CELF2: variants seen among roughly 807,000 people sequenced by gnomAD.
CELF2 encodes CUGBP Elav-like family member 2.
Under a neutral mutation model 62.6 loss-of-function variants are expected in CELF2, and 8 were observed. The observed-to-expected ratio is 0.13, with a 90% CI of 0.07 to 0.23. CELF2 has a LOEUF of 0.23. Ranked by LOEUF, CELF2 falls within the 10% of genes least tolerant of loss-of-function variation. The pLI is 1.00. For synonymous variants in CELF2, 258 were observed against 250.0 expected (o/e 1.03, Z -0.30); for missense variants, 333 against 671.0 (o/e 0.50, Z 5.56).
chr10:11,199,562 C>T (rs2058747938), intron 2 of CELF2, among the ~76,000 whole-genome samples: 1 of 152,166 alleles, frequency 6.6e-6, no homozygotes, highest in Non-Finnish European at 1.5e-5. Context: ...ACCCCTTCCC[C>T]CAAGTGTGCC....
At chr10:10,495,336 G>A in the CELF2 span, among the ~76,000 whole-genome samples, 1 of 152,134 alleles carries the variant, frequency 6.6e-6, no homozygotes, top group African/African-American at 2.4e-5. Flanking sequence ...ATTATGTATG[G>A]AACATTAAAC....
At chr10:11,089,940 C>T (rs2047855731) in intron 1 of CELF2, among the ~76,000 whole-genome samples, 1 of 152,104 alleles carries the variant, frequency 6.6e-6, no homozygotes, top group Middle Eastern at 3.2e-3. Context: ...CCAAATACCA[C>T]ATGTTGTCAC....
the CELF2 span, among the ~76,000 whole-genome samples, chr10:10,586,668 T>G: frequency 1.3e-5 from 2 of 152,112 alleles, no homozygotes; most frequent in African/African-American, 4.8e-5. Context: ...GCACACCACG[T>G]AATTTTTTTT....
At chr10:10,511,337 G>C in the CELF2 span, among the ~76,000 whole-genome samples, 1 of 152,036 alleles carries the variant, frequency 6.6e-6, no homozygotes, top group African/African-American at 2.4e-5. Flanking sequence ...GCTTGAACCT[G>C]GCAGGTGGAG....
chr10:11,125,708 A>C (rs1432998430), intron 1 of CELF2, among the ~76,000 whole-genome samples: 1 of 152,168 alleles, frequency 6.6e-6, no homozygotes, highest in Non-Finnish European at 1.5e-5. Context: ...CGGTTTTGCT[A>C]TCCTGTCCAC....
intron 1 of CELF2, among the ~76,000 whole-genome samples, chr10:10,810,085 T>C (rs577923217): frequency 1.5e-3 from 221 of 152,346 alleles, no homozygotes; most frequent in African/African-American, 5.2e-3. Flanking sequence ...TTAAAGGATT[T>C]TGTAAATTAA....
At chr10:10,651,592 C>G in the CELF2 span, among the ~76,000 whole-genome samples, 1 of 142,790 alleles carries the variant, frequency 7.0e-6, no homozygotes, top group Non-Finnish European at 1.5e-5. Flanking sequence ...AACTGGGAGG[C>G]ACCCCCCAGC....
chr10:10,611,804 C>G, the CELF2 span, among the ~76,000 whole-genome samples: 2 of 152,136 alleles, frequency 1.3e-5, no homozygotes, highest in African/African-American at 4.8e-5. Context: ...ATAAAATCTC[C>G]TTTTATCTTT....
At chr10:10,900,636 T>C (rs879077373) in intron 1 of CELF2, among the ~76,000 whole-genome samples, 1 of 152,162 alleles carries the variant, frequency 6.6e-6, no homozygotes, top group Admixed American at 6.5e-5. Flanking sequence ...CTGAGTCTTT[T>C]TTCTTCAAGG....
intron 1 of CELF2, among the ~76,000 whole-genome samples, chr10:11,036,757 C>T (rs1382803106): frequency 1.3e-5 from 2 of 152,196 alleles, no homozygotes; most frequent in African/African-American, 2.4e-5. Flanking sequence ...AGGCTTGTGC[C>T]TCATGGGCGG....
At chr10:10,544,078 G>T in the CELF2 span, among the ~76,000 whole-genome samples, 1 of 152,184 alleles carries the variant, frequency 6.6e-6, no homozygotes, top group African/African-American at 2.4e-5. Context: ...AGTAGAACAC[G>T]GATTTAGAGG....
intron 1 of CELF2, among the ~76,000 whole-genome samples, chr10:10,845,727 C>A (rs1171516550): frequency 1.3e-5 from 2 of 152,250 alleles, no homozygotes; most frequent in East Asian, 3.9e-4. Flanking sequence ...AAATAAGTTT[C>A]ATAACCAAAC....
intron 11 of CELF2, among the ~76,000 whole-genome samples, chr10:11,322,382 T>A (rs2095487665): frequency 6.6e-6 from 1 of 152,242 alleles, no homozygotes; most frequent in Non-Finnish European, 1.5e-5. Context: ...TGAAAGCTAA[T>A]TATGAAATGG....
At chr10:11,044,325 G>A (rs577042646) in intron 1 of CELF2, among the ~76,000 whole-genome samples, 25 of 152,292 alleles carry the variant, frequency 1.6e-4, no homozygotes, top group South Asian at 1.0e-3. Context: ...AGCCTGGATC[G>A]GTTCTTAGCA....
the CELF2 span, among the ~76,000 whole-genome samples, chr10:10,790,278 T>G: frequency 2.6e-5 from 4 of 152,250 alleles, no homozygotes; most frequent in East Asian, 7.7e-4. Flanking sequence ...TTTGTTAACG[T>G]TTGTGCTAAC....
At chr10:11,320,429 G>A (rs143767820) in intron 10 of CELF2, among the ~76,000 whole-genome samples, 71 of 152,292 alleles carry the variant, frequency 4.7e-4, no homozygotes, top group African/African-American at 1.2e-3. Context: ...GTGTGCATGC[G>A]TGCACGCACA....
At chr10:10,978,942 G>T (rs2051706608) in intron 2 of CELF2, among the ~76,000 whole-genome samples, 1 of 152,194 alleles carries the variant, frequency 6.6e-6, no homozygotes, top group Non-Finnish European at 1.5e-5. Context: ...TCCTTGGCAG[G>T]ACTCAGTTCT....
At chr10:10,714,148 C>T in the CELF2 span, among the ~76,000 whole-genome samples, 1 of 152,150 alleles carries the variant, frequency 6.6e-6, no homozygotes, top group African/African-American at 2.4e-5. Flanking sequence ...GACATCGCTC[C>T]CCCAAAATAT....
chr10:10,883,880 C>A (rs1255897535), intron 1 of CELF2, among the ~76,000 whole-genome samples: 1 of 151,434 alleles, frequency 6.6e-6, no homozygotes, highest in Non-Finnish European at 1.5e-5. Flanking sequence ...TTCCTTCCTC[C>A]TCCTCCTCCT....
Sources: gnomAD v4.1 joint callset for allele counts (sites outside exome capture counted in the v4.1 genomes callset) on GRCh38, gnomAD v4.1.1 for gene constraint, MANE v1.5 for transcripts, NCBI Gene and HGNC (gene_info 2026-07-23, HGNC 2026-07-21) for gene names.